Variants in P2RY1 observed in about 807,000 individuals in gnomAD.
The protein encoded by P2RY1 is purinergic receptor P2Y1.
In P2RY1, 14 loss-of-function variants were observed where a neutral mutation model predicts 22.8. That is an observed-to-expected ratio of 0.61 (90% confidence interval 0.41 to 0.96). The LOEUF (loss-of-function observed/expected upper bound fraction) is 0.96, where lower values mean the gene tolerates loss of function less well. P2RY1 is among the 40% of genes least tolerant of loss of function. The pLI, the probability that P2RY1 is intolerant of heterozygous loss-of-function variation, is 0.00. For synonymous variants in P2RY1, 200 were observed against 195.1 expected, an observed-to-expected ratio of 1.03 and a Z score of -0.21; for missense variants, 395 against 470.3, an observed-to-expected ratio of 0.84 and a Z score of 1.48.
Position 152,840,240 on chromosome 3 carries a change from G to A in P2RY1, c.*3336G>A, listed in dbSNP as rs1040481672. 6.6e-6 allele frequency: 1 copy of A among 152,002 alleles called. No individual in the cohort carries two copies. Among genetic ancestry groups the A allele is most frequent in the African/African-American group, 2.4e-5 (1 of 41,378 alleles). The allele number at this position is 152,002 out of a possible 1,614,324, so 9.4% of individuals were successfully genotyped here. ...AGTGCTTTTCAAATATCAGTGTCTT[G>A]GAATATTTAAGTCTTCACATTTTTT... On this transcript the variant is annotated 3_prime_UTR_variant, in exon 1 of 1. Coordinates refer to ENST00000305097, the MANE Select transcript of P2RY1 (RefSeq NM_002563.5).
Position 152,835,770 on chromosome 3 carries a change from C to A in P2RY1, c.-13C>A. 6.4e-7 allele frequency: 1 copy of A among 1,574,728 alleles called. No individual in the cohort carries two copies. The highest frequency in any genetic ancestry group is 8.6e-7 in the Non-Finnish European group (1 of 1,163,944). ...TACCCCTCGGAGCCGCCGCCTAAGT[C>A]GAGGAGGAGAGAATGACCGAGGTGC... On this transcript the variant is annotated 5_prime_UTR_variant, in exon 1 of 1. Coordinates refer to ENST00000305097, the MANE Select transcript of P2RY1 (RefSeq NM_002563.5).
At position 152,835,131 on chromosome 3, in the gene P2RY1, A is replaced by G. The variant is rs961329056; in HGVS notation, c.-652A>G. The G allele has an allele frequency of 6.6e-6, 1 of 152,368 alleles. No homozygotes were observed. The highest frequency in any genetic ancestry group is 2.4e-5 in the African/African-American group (1 of 41,438). 9.4% of individuals were successfully genotyped at this position (152,368 alleles called of 1,614,324 possible). A position where few individuals can be genotyped will look rare whatever the true frequency, so the allele number is the denominator to read the frequency against. Reference sequence around the variant, plus strand: ...CTCCGCTCTCCCGCCTAACCCCGGCACTCCGGACAGAGCTGGGCCTGGGGA... The same window carrying G: ...CTCCGCTCTCCCGCCTAACCCCGGCGCTCCGGACAGAGCTGGGCCTGGGGA... On this transcript the variant is annotated 5_prime_UTR_variant, in exon 1 of 1. Transcript: ENST00000305097.
rs1395514800 is a variant in P2RY1, at chr3:152,835,880, C to T, written c.98C>T (p.Thr33Ile). The change falls in exon 1 of 1, where the codon ACT becomes ATT. Residue 33 changes from threonine (T) to isoleucine (I), a missense_variant. Physicochemically the swap from Thr to Ile is moderately conservative, Grantham distance 89. Around this residue, in one of 3 missense-constraint regions of P2RY1, gnomAD observed 98 missense variants for 87.7 expected, o/e 1.12. Transcript: ENST00000305097. ...TGGGGGAACAGCACGGTCGCCTCCA[C>T]TGCCGCCGTCTCCTCGTCGTTCAAA... ...SSWGNSTVASTAAVSSSFKCA... is the reference protein window; with the variant it reads ...SSWGNSTVASIAAVSSSFKCA... 4 of 1,613,866 alleles carry T rather than the reference C, an allele frequency of 2.5e-6. No homozygotes were observed. In the African/African-American group the frequency reaches 5.3e-5, roughly 22 times the overall value.
Position 152,836,307 on chromosome 3 carries a change from G to A in P2RY1, c.525G>A (p.Val175=), listed in dbSNP as rs1716156478. The stretch of plus-strand genomic sequence containing the variant: ...ATGCGATCTGTATCAGCGTGCTGGT[G>A]TGGCTCATTGTGGTGGTGGCGATCT... ...KKNAICISVL[V]WLIVVVAISP... is the part of the protein sequence containing the mutation. The change falls in exon 1 of 1, where the codon GTG becomes GTA. Residue 175 remains valine (V), a synonymous_variant. Transcript: ENST00000305097. The surrounding 1 kb of genome is among the most constrained non-coding windows in gnomAD (Gnocchi z 5.6). The A allele has an allele frequency of 6.2e-7, 1 of 1,613,992 alleles. No homozygotes were observed.
chr3:152,835,148 G>C lies in P2RY1; in HGVS notation c.-635G>C, dbSNP rs1716109424. 6.6e-6 allele frequency: 1 copy of C among 152,626 alleles called. No homozygotes were observed. The highest frequency in any genetic ancestry group is 2.1e-4 in the South Asian group (1 of 4,848). 9.5% of individuals were successfully genotyped at this position (152,626 alleles called of 1,614,324 possible). ...ACCCCGGCACTCCGGACAGAGCTGG[G>C]CCTGGGGAAGGGGTTCCTGAACTAC... On this transcript the variant is annotated 5_prime_UTR_variant, in exon 1 of 1. Transcript: ENST00000305097.
rs1716263495 is a variant in P2RY1, at chr3:152,840,149, T to C, written c.*3245T>C. On this transcript the variant is annotated 3_prime_UTR_variant, in exon 1 of 1. Transcript: ENST00000305097. ...TTATATTTATTACAATGTATGATAT[T>C]AATGTGTCAAACTGGTGTATTTTAC... The C allele has an allele frequency of 5.9e-5, 9 of 152,192 alleles. No homozygotes were observed. The highest frequency in any genetic ancestry group is 5.9e-4 in the Admixed American group (9 of 15,280). The allele number at this position is 152,192 out of a possible 1,614,324, so 9.4% of individuals were successfully genotyped here. A position where few individuals can be genotyped will look rare whatever the true frequency, so the allele number is the denominator to read the frequency against.
At position 152,839,060 on chromosome 3, in the gene P2RY1, A is replaced by T. The variant is rs1172451743; in HGVS notation, c.*2156A>T. 1 of 152,210 alleles carries T rather than the reference A, an allele frequency of 6.6e-6. No individual in the cohort carries two copies. Among genetic ancestry groups the T allele is most frequent in the Non-Finnish European group, 1.5e-5 (1 of 68,020 alleles). The allele number at this position is 152,210 out of a possible 1,614,324, so 9.4% of individuals were successfully genotyped here. ...AGTTTTCTTTCTTTTAGGTCTCAGG[A>T]TGCTCAGCTTAATTTAGAGTATGTG... On this transcript the variant is annotated 3_prime_UTR_variant, in exon 1 of 1. Coordinates refer to ENST00000305097, the MANE Select transcript of P2RY1 (RefSeq NM_002563.5).
In P2RY1 at chr3:152,836,062, G is replaced by A. The variant is rs760860385; in HGVS notation, c.280G>A (p.Ala94Thr). Reference protein sequence around the residue: ...SGISVYMFNLALADFLYVLTL... With the variant: ...SGISVYMFNLTLADFLYVLTL... Reference sequence around the variant, plus strand: ...CATCTCCGTGTACATGTTCAATTTGGCTCTGGCCGACTTCTTGTACGTGCT... The same window carrying A: ...CATCTCCGTGTACATGTTCAATTTGACTCTGGCCGACTTCTTGTACGTGCT... The change falls in exon 1 of 1, where the codon GCT becomes ACT. Residue 94 changes from alanine to threonine, a missense_variant. Ala to Thr is a moderately conservative substitution (Grantham distance 58, BLOSUM62 0). Coordinates refer to ENST00000305097, the MANE Select transcript of P2RY1 (RefSeq NM_002563.5). This position sits in a 1 kb window ranked among gnomAD's most constrained non-coding sequence, Gnocchi z 5.6. 6.2e-7 allele frequency: 1 copy of A among 1,614,010 alleles called. No homozygotes were observed. The highest frequency in any genetic ancestry group is 8.5e-7 in the Non-Finnish European group (1 of 1,180,024).
chr3:152,840,757 T>A lies in P2RY1; in HGVS notation c.*3853T>A, dbSNP rs1364968702. 1 of 152,214 alleles carries A rather than the reference T, an allele frequency of 6.6e-6. No homozygotes were observed. The highest frequency in any genetic ancestry group is 2.4e-5 in the African/African-American group (1 of 41,458). The allele number at this position is 152,214 out of a possible 1,614,324, so 9.4% of individuals were successfully genotyped here. A position where few individuals can be genotyped will look rare whatever the true frequency, so the allele number is the denominator to read the frequency against. On this transcript the variant is annotated 3_prime_UTR_variant, in exon 1 of 1. Transcript: ENST00000305097. ...ATCTTAACTGTTTTGAGATGGAATT[T>A]TAAAGTAACACACTACCAGCGAGTT...
Position 152,835,680 on chromosome 3 carries a change from T to C in P2RY1, c.-103T>C. ...GCGGGGATCCAGTTCGCCTGCTCCC[T>C]TCCGCTCGCTGGCTTTTCCGATGCT... On this transcript the variant is annotated 5_prime_UTR_variant, in exon 1 of 1. Coordinates refer to ENST00000305097, the MANE Select transcript of P2RY1 (RefSeq NM_002563.5). 1 of 1,199,048 alleles carries C rather than the reference T, an allele frequency of 8.3e-7. No homozygotes were observed. 74.3% of individuals were successfully genotyped at this position (1,199,048 alleles called of 1,614,324 possible). A position where few individuals can be genotyped will look rare whatever the true frequency, so the allele number is the denominator to read the frequency against.
In P2RY1 at chr3:152,835,756, G is replaced by A. The variant is rs1226105814; in HGVS notation, c.-27G>A. ...CTCTCGCCGCCTCCTACCCCTCGGA[G>A]CCGCCGCCTAAGTCGAGGAGGAGAG... On this transcript the variant is annotated 5_prime_UTR_variant, in exon 1 of 1. Transcript: ENST00000305097. The A allele has an allele frequency of 6.5e-7, 1 of 1,547,172 alleles. No homozygotes were observed.
Position 152,837,734 on chromosome 3 carries a change from T to C in P2RY1, c.*830T>C, listed in dbSNP as rs1448376018. 1 of 166,856 alleles carries C rather than the reference T, an allele frequency of 6.0e-6. No homozygotes were observed. The highest frequency in any genetic ancestry group is 1.5e-5 in the Non-Finnish European group (1 of 68,124). 10.3% of individuals were successfully genotyped at this position (166,856 alleles called of 1,614,324 possible). A position where few individuals can be genotyped will look rare whatever the true frequency, so the allele number is the denominator to read the frequency against. ...CACTGCTGTGCAATGCCTTAGGACT[T>C]TGTTTGTGTTCCAGGACAAGTGTTC... is the stretch of plus-strand genomic sequence containing the variant. On this transcript the variant is annotated 3_prime_UTR_variant, in exon 1 of 1. Coordinates refer to ENST00000305097, the MANE Select transcript of P2RY1 (RefSeq NM_002563.5).
In P2RY1 at chr3:152,835,482, AT is replaced by A. The variant is rs1233681920; in HGVS notation, c.-300del. ...CTCGGGAAAGCGCAGTCGGAAAGTTATCCGCGGCGGTTCCCTGCGCGCCCTG... is the reference window on the plus strand; with the variant it reads ...CTCGGGAAAGCGCAGTCGGAAAGTTACCGCGGCGGTTCCCTGCGCGCCCTG... On this transcript the variant is annotated 5_prime_UTR_variant, in exon 1 of 1. Coordinates refer to ENST00000305097, the MANE Select transcript of P2RY1 (RefSeq NM_002563.5). 1.2e-5 allele frequency: 5 copies of A among 404,472 alleles called. No homozygotes were observed. Among genetic ancestry groups the A allele is most frequent in the African/African-American group, 2.1e-5 (1 of 46,998 alleles). The allele number at this position is 404,472 out of a possible 1,614,324, so 25.1% of individuals were successfully genotyped here. A position where few individuals can be genotyped will look rare whatever the true frequency, so the allele number is the denominator to read the frequency against.
Position 152,836,910 on chromosome 3 carries a change from C to A in P2RY1, c.*6C>A. ...ATGGAGATACAAGCCTGTGAAGGCA[C>A]AAGAATCTCCAAACACCTCTCTGTT... On this transcript the variant is annotated 3_prime_UTR_variant, in exon 1 of 1. Coordinates refer to ENST00000305097, the MANE Select transcript of P2RY1 (RefSeq NM_002563.5). The surrounding 1 kb of genome is among the most constrained non-coding windows in gnomAD (Gnocchi z 5.6). 6.3e-7 allele frequency: 1 copy of A among 1,588,234 alleles called. No homozygotes were observed. The highest frequency in any genetic ancestry group is 1.1e-5 in the South Asian group (1 of 87,476).
rs1168999807 is a variant in P2RY1, at chr3:152,838,496, G to A, written c.*1592G>A. 6.6e-6 allele frequency: 1 copy of A among 152,130 alleles called. No homozygotes were observed. 9.4% of individuals were successfully genotyped at this position (152,130 alleles called of 1,614,324 possible). A position where few individuals can be genotyped will look rare whatever the true frequency, so the allele number is the denominator to read the frequency against. On this transcript the variant is annotated 3_prime_UTR_variant, in exon 1 of 1. Coordinates refer to ENST00000305097, the MANE Select transcript of P2RY1 (RefSeq NM_002563.5). ...AACATCAGAGTTTGCAACTGATGGT[G>A]GCATAACTTGTTTGAAAGCACTTTA...
rs977391097 is a variant in P2RY1 at position 152,840,778 on chromosome 3, G to A, written c.*3874G>A. 10 of 152,046 alleles carry A rather than the reference G, an allele frequency of 6.6e-5. No individual in the cohort carries two copies. The highest frequency in any genetic ancestry group is 1.9e-4 in the East Asian group (1 of 5,202). The allele number at this position is 152,046 out of a possible 1,614,324, so 9.4% of individuals were successfully genotyped here. ...AATTTTAAAGTAACACACTACCAGC[G>A]AGTTCAACACTGCTATTGATTTTAA... On this transcript the variant is annotated 3_prime_UTR_variant, in exon 1 of 1. Transcript: ENST00000305097.
Position 152,836,505 on chromosome 3 carries a change from G to T in P2RY1, c.723G>T (p.Val241=). 1 of 1,614,182 alleles carries T rather than the reference G, an allele frequency of 6.2e-7. No individual in the cohort carries two copies. Among genetic ancestry groups the T allele is most frequent in the Non-Finnish European group, 8.5e-7 (1 of 1,180,024 alleles). The change falls in exon 1 of 1, where the codon GTG becomes GTT. Residue 241 remains valine (V), a synonymous_variant. Coordinates refer to ENST00000305097, the MANE Select transcript of P2RY1 (RefSeq NM_002563.5). The surrounding 1 kb of genome is among the most constrained non-coding windows in gnomAD (Gnocchi z 5.6). ...TTCTGGGCTGTTACGGATTAATTGT[G>T]AGAGCTTTGATTTACAAAGATCTGG... is the stretch of plus-strand genomic sequence containing the variant. ...VLILGCYGLI[V]RALIYKDLDN...
Position 152,838,232 on chromosome 3 carries a change from A to G in P2RY1, c.*1328A>G, listed in dbSNP as rs1156242078. 2 of 152,244 alleles carry G rather than the reference A, an allele frequency of 1.3e-5. No homozygotes were observed. The highest frequency in any genetic ancestry group is 3.8e-4 in the East Asian group (2 of 5,204). 9.4% of individuals were successfully genotyped at this position (152,244 alleles called of 1,614,324 possible). On this transcript the variant is annotated 3_prime_UTR_variant, in exon 1 of 1. Coordinates refer to ENST00000305097, the MANE Select transcript of P2RY1 (RefSeq NM_002563.5). Reference sequence around the variant, plus strand: ...AAGTACTACTCAAACTACTAATAGAAGACTATTGGTCAGTGTTTTCTATTA... The same window carrying G: ...AAGTACTACTCAAACTACTAATAGAGGACTATTGGTCAGTGTTTTCTATTA...
chr3:152,840,469 G>T lies in P2RY1; in HGVS notation c.*3565G>T, dbSNP rs1716270739. ...TTTTATATATTAAATAAAAGTTTTT[G>T]TTGTCTTTTCAGGAGGTTTAGAGTA... On this transcript the variant is annotated 3_prime_UTR_variant, in exon 1 of 1. Coordinates refer to ENST00000305097, the MANE Select transcript of P2RY1 (RefSeq NM_002563.5). 1 of 152,054 alleles carries T rather than the reference G, an allele frequency of 6.6e-6. No homozygotes were observed. The highest frequency in any genetic ancestry group is 2.4e-5 in the African/African-American group (1 of 41,418). The allele number at this position is 152,054 out of a possible 1,614,324, so 9.4% of individuals were successfully genotyped here.
Sources: gnomAD v4.1 joint callset for allele counts on GRCh38, gnomAD v4.1.1 for gene constraint, gnomAD v4.1.1 regional missense constraint, Gnocchi (gnomAD v3.1) non-coding constraint, MANE v1.5 for transcripts, NCBI Gene and HGNC (gene_info 2026-07-23, HGNC 2026-07-21) for gene names.